CSMD1: variants seen among roughly 807,000 people sequenced by gnomAD.
CSMD1 encodes the protein CUB and Sushi multiple domains 1.
Under a neutral mutation model 417.5 loss-of-function variants are expected in CSMD1, and 213 were observed. The observed-to-expected ratio is 0.51, with a 90% CI of 0.46 to 0.57. CSMD1 has a LOEUF of 0.57. Ranked by LOEUF, CSMD1 falls within the 20% of genes least tolerant of loss-of-function variation. CSMD1 has a pLI of 0.00. For missense variants in CSMD1, 6,923 were observed against 4,529.7 expected (o/e 1.53, Z -15.17); for synonymous variants, 2,862 against 1,736.8 (o/e 1.65, Z -16.11).
At chr8:4,194,858 T>A (rs185957420) in intron 3 of CSMD1, among the ~76,000 whole-genome samples, 3 of 152,172 alleles carry the variant, frequency 2.0e-5, no homozygotes, top group Non-Finnish European at 4.4e-5. Context: ...CCCACTGTAT[T>A]ATACCCATTT....
chr8:4,452,547 CTTTTTCCAATCAT>C (rs1424030056), intron 2 of CSMD1, among the ~76,000 whole-genome samples: 1 of 152,122 alleles, frequency 6.6e-6, no homozygotes, highest in African/African-American at 2.4e-5. Flanking sequence ...AAATAATTCA[CTTTTTCCAATCAT>C]TTTTATCAAG....
chr8:4,462,143 G>A (rs1358577134), intron 2 of CSMD1, among the ~76,000 whole-genome samples: 1 of 151,986 alleles, frequency 6.6e-6, no homozygotes, highest in Non-Finnish European at 1.5e-5. Flanking sequence ...TCAAAGTGCT[G>A]GGATTACAGG....
At chr8:3,282,053 C>T (rs1376908363) in intron 26 of CSMD1, among the ~76,000 whole-genome samples, 2 of 152,166 alleles carry the variant, frequency 1.3e-5, no homozygotes, top group Non-Finnish European at 2.9e-5. Flanking sequence ...CCCTCCCAGC[C>T]ATGCCTTCTG....
intron 41 of CSMD1, among the ~76,000 whole-genome samples, chr8:3,129,131 C>T (rs1407146082): frequency 1.3e-5 from 2 of 152,110 alleles, no homozygotes; most frequent in Non-Finnish European, 2.9e-5. Flanking sequence ...TGAAGTCAGG[C>T]CCACTTTGCC....
intron 3 of CSMD1, among the ~76,000 whole-genome samples, chr8:4,229,013 G>C (rs555755736): frequency 1.9e-4 from 29 of 152,212 alleles, no homozygotes; most frequent in African/African-American, 6.5e-4. Flanking sequence ...CCATGAAATT[G>C]AGACACATAT....
intron 42 of CSMD1, among the ~76,000 whole-genome samples, chr8:3,115,418 T>C (rs905053306): frequency 6.6e-6 from 1 of 152,196 alleles, no homozygotes; most frequent in African/African-American, 2.4e-5. Context: ...GCCAGGCTTG[T>C]CTCAAACTCC....
At chr8:3,674,855 C>G (rs1414605740) in intron 7 of CSMD1, among the ~76,000 whole-genome samples, 2 of 152,232 alleles carry the variant, frequency 1.3e-5, no homozygotes, top group African/African-American at 2.4e-5. Flanking sequence ...TAAAGACTAT[C>G]CTTTAAATTT....
At chr8:3,164,513 A>T (rs1309010687) in intron 37 of CSMD1, among the ~76,000 whole-genome samples, 1 of 152,232 alleles carries the variant, frequency 6.6e-6, no homozygotes, top group Admixed American at 6.5e-5. Flanking sequence ...TTAACTTTAG[A>T]ACATAGATTA....
intron 1 of CSMD1, among the ~76,000 whole-genome samples, chr8:4,689,725 T>A (rs1433585590): frequency 6.6e-6 from 1 of 152,182 alleles, no homozygotes; most frequent in East Asian, 1.9e-4. Context: ...CAGATCGTCT[T>A]TGGCTGCAGT....
intron 1 of CSMD1, among the ~76,000 whole-genome samples, chr8:4,742,819 G>A (rs1810709876): frequency 6.6e-6 from 1 of 152,094 alleles, no homozygotes; most frequent in African/African-American, 2.4e-5. Context: ...AAATTTTTCT[G>A]TAGAGCATTT....
rs184144080 is a variant in CSMD1, at chr8:3,422,683, G to T, written c.1562-13078C>A. 1.4e-3 allele frequency among the ~76,000 whole-genome samples: 206 copies of T among 152,302 alleles called. 1 individual carries two copies. Among genetic ancestry groups the T allele is most frequent in the South Asian group, 6.2e-3 (30 of 4,822 alleles). ...TTTTCGATGCATTTTTCTGATGCCA[G>T]TGATTTTATGTATTTTTCATCGTCT... On this transcript the variant is annotated intron_variant, in intron 12 of 69. Transcript: ENST00000635120.
At chr8:3,285,487 A>G (rs1315387276) in intron 25 of CSMD1, among the ~76,000 whole-genome samples, 1 of 151,818 alleles carries the variant, frequency 6.6e-6, no homozygotes, top group Non-Finnish European at 1.5e-5. Context: ...CCTGGGTTCA[A>G]GTGATTCTCC....
chr8:3,818,979 G>A (rs1229662368), intron 5 of CSMD1, among the ~76,000 whole-genome samples: 1 of 152,330 alleles, frequency 6.6e-6, no homozygotes, highest in Non-Finnish European at 1.5e-5. Context: ...CTTCAAAAGA[G>A]AGGGGAAAAG....
At chr8:3,152,010 A>G (rs141324455) in intron 39 of CSMD1, among the ~76,000 whole-genome samples, 3 of 152,230 alleles carry the variant, frequency 2.0e-5, no homozygotes, top group Non-Finnish European at 2.9e-5. Flanking sequence ...AAATTTGCCT[A>G]AAGTGACATG....
intron 49 of CSMD1, among the ~76,000 whole-genome samples, chr8:3,071,371 G>C (rs150125706): frequency 0.014 from 2,153 of 152,268 alleles, 25 homozygotes; most frequent in African/African-American, 0.028. Context: ...AGCAAGAGGA[G>C]GGAGAGCATT....
intron 3 of CSMD1, among the ~76,000 whole-genome samples, chr8:4,280,647 G>A (rs910034684): frequency 6.6e-6 from 1 of 152,124 alleles, no homozygotes; most frequent in Non-Finnish European, 1.5e-5. Flanking sequence ...AAATTTTAAG[G>A]CTTGTGTGAA....
At chr8:2,947,282 A>C (rs1030455411) in intron 68 of CSMD1, among the ~76,000 whole-genome samples, 1 of 152,196 alleles carries the variant, frequency 6.6e-6, no homozygotes, top group African/African-American at 2.4e-5. Context: ...TTTAGTATCC[A>C]CTTAATGACA....
chr8:3,790,885 G>T (rs555525657), intron 5 of CSMD1, among the ~76,000 whole-genome samples: 1 of 152,074 alleles, frequency 6.6e-6, no homozygotes, highest in Admixed American at 6.6e-5. Flanking sequence ...GGAAACTGTC[G>T]CTAATGAATG....
At chr8:4,241,500 T>C (rs539000413) in intron 3 of CSMD1, among the ~76,000 whole-genome samples, 1 of 152,176 alleles carries the variant, frequency 6.6e-6, no homozygotes, top group African/African-American at 2.4e-5. Flanking sequence ...TGTCTTTGAA[T>C]GTCTGTGCCC....
Sources: gnomAD v4.1 joint callset for allele counts (sites outside exome capture counted in the v4.1 genomes callset) on GRCh38, gnomAD v4.1.1 for gene constraint, MANE v1.5 for transcripts, NCBI Gene and HGNC (gene_info 2026-07-23, HGNC 2026-07-21) for gene names.